The following KIF16B variants were observed in gnomAD, a reference collection of about 807,000 sequenced individuals.
KIF16B encodes the protein kinesin family member 16B, also known as kinesin-like protein KIF16B.
In KIF16B, 98 loss-of-function variants were observed where a neutral mutation model predicts 156.3. The observed-to-expected ratio is 0.63, with a 90% confidence interval of 0.53 to 0.74. KIF16B has a LOEUF of 0.74. Among genes scored for constraint, KIF16B ranks in the 30% least tolerant of loss-of-function variants. The pLI is 0.00. For missense variants in KIF16B, 1,421 were observed against 1,606.5 expected (o/e 0.88, Z 1.97); for synonymous variants, 564 against 583.7 (o/e 0.97, Z 0.49).
intron 24 of KIF16B, 71 bp from the exon 25 acceptor site, chr20:16,312,489 T>C (rs537456938): frequency 1.6e-4 from 190 of 1,155,002 alleles, no homozygotes; most frequent in Middle Eastern, 1.6e-3. Flanking sequence ...ATTAATCTAT[T>C]ATTTGAAATC....
chr20:16,539,563 T>C (rs1175194890), intron 1 of KIF16B, among the ~76,000 whole-genome samples: 3 of 152,016 alleles, frequency 2.0e-5, no homozygotes, highest in Non-Finnish European at 4.4e-5. Context: ...CCCCCGACCC[T>C]TGCTCTCATT....
At chr20:16,327,602 T>G (rs1462146969) in intron 24 of KIF16B, among the ~76,000 whole-genome samples, 1 of 152,078 alleles carries the variant, frequency 6.6e-6, no homozygotes, top group Admixed American at 6.6e-5. Context: ...AATTCCTAGT[T>G]TGGGGCCTGA....
chr20:16,353,101 T>C (rs535638111), intron 23 of KIF16B, among the ~76,000 whole-genome samples: 3 of 152,334 alleles, frequency 2.0e-5, no homozygotes, highest in African/African-American at 7.2e-5. Flanking sequence ...TACATTGATG[T>C]TAAATCTCCC....
chr20:16,405,177 C>A (rs1353406008), intron 16 of KIF16B, among the ~76,000 whole-genome samples: 2 of 152,126 alleles, frequency 1.3e-5, no homozygotes, highest in Non-Finnish European at 2.9e-5. Flanking sequence ...GTCTCCCCTG[C>A]CGGTTAAAGT....
At chr20:16,384,724 T>C (rs922366963) in intron 17 of KIF16B, among the ~76,000 whole-genome samples, 2 of 152,058 alleles carry the variant, frequency 1.3e-5, no homozygotes, top group African/African-American at 4.8e-5. Context: ...TGACAACTGT[T>C]TGCCTTGATC....
intron 3 of KIF16B, among the ~76,000 whole-genome samples, chr20:16,520,162 A>T (rs1332772288): frequency 6.6e-6 from 1 of 151,222 alleles, no homozygotes; most frequent in Non-Finnish European, 1.5e-5. Context: ...TGGCACCTGG[A>T]ACACCAATGA....
chr20:16,499,764 G>C (rs1263304338), intron 10 of KIF16B, among the ~76,000 whole-genome samples: 1 of 152,108 alleles, frequency 6.6e-6, no homozygotes, highest in Non-Finnish European at 1.5e-5. Context: ...GAAGCACAAA[G>C]ACTCATGACC....
intron 23 of KIF16B, among the ~76,000 whole-genome samples, chr20:16,346,607 A>G (rs1472233536): frequency 1.3e-5 from 2 of 152,216 alleles, no homozygotes; most frequent in African/African-American, 4.8e-5. Flanking sequence ...ATAACCAGAA[A>G]TAATGACTTC....
intron 17 of KIF16B, among the ~76,000 whole-genome samples, chr20:16,387,862 T>C (rs2065265830): frequency 6.6e-6 from 1 of 150,762 alleles, no homozygotes; most frequent in African/African-American, 2.4e-5. Context: ...CTTTAGAGTG[T>C]CTGATTGGGA....
chr20:16,493,587 T>G (rs1307782233), intron 12 of KIF16B, among the ~76,000 whole-genome samples: 1 of 152,218 alleles, frequency 6.6e-6, no homozygotes, highest in Non-Finnish European at 1.5e-5. Flanking sequence ...TTTTCTCTTG[T>G]GCACAAAGTC....
At chr20:16,310,127 A>G (rs2063597457) in intron 25 of KIF16B, among the ~76,000 whole-genome samples, 1 of 152,272 alleles carries the variant, frequency 6.6e-6, no homozygotes, top group Admixed American at 6.5e-5. Context: ...AACAGTCAAC[A>G]TTAGGTGAAA....
rs549886007 is a variant in KIF16B, at chr20:16,543,657, A to T, written c.48-15217T>A. Among the ~76,000 whole-genome samples, 354 of 152,296 alleles carry T rather than the reference A, an allele frequency of 2.3e-3. 1 individual carries two copies. Among genetic ancestry groups the T allele is most frequent in the African/African-American group, 7.7e-3 (322 of 41,570 alleles). ...TAAATTTTGCTCAAGACCAAAGATA[A>T]TAATGACACTTTCATGGGGAATTTT... is the stretch of plus-strand genomic sequence containing the variant. On this transcript the variant is annotated intron_variant, in intron 1 of 25. Coordinates refer to ENST00000354981, the MANE Select transcript of KIF16B (RefSeq NM_024704.5).
chr20:16,510,531 TC>T (rs2068925404), intron 6 of KIF16B, among the ~76,000 whole-genome samples: 1 of 152,084 alleles, frequency 6.6e-6, no homozygotes, highest in East Asian at 1.9e-4. Flanking sequence ...GCGCCTGTAA[TC>T]CCTGCTACTG....
chr20:16,370,806 A>T (rs1004462867), intron 21 of KIF16B, among the ~76,000 whole-genome samples, 170 bp from the exon 22 acceptor site: 1 of 152,200 alleles, frequency 6.6e-6, no homozygotes, highest in South Asian at 2.1e-4. Flanking sequence ...ACATGACTCT[A>T]TTGATCCATC....
At chr20:16,458,555 T>C (rs1231870017) in intron 12 of KIF16B, among the ~76,000 whole-genome samples, 2 of 152,200 alleles carry the variant, frequency 1.3e-5, no homozygotes, top group Non-Finnish European at 2.9e-5. Flanking sequence ...TCTGTCTTTA[T>C]GAATAAATGT....
chr20:16,351,090 T>C (rs551361662), intron 23 of KIF16B, among the ~76,000 whole-genome samples: 1 of 152,252 alleles, frequency 6.6e-6, no homozygotes, highest in East Asian at 1.9e-4. Context: ...CTACTGCAGA[T>C]GACCACTCAG....
At chr20:16,480,061 G>A (rs538152419) in intron 12 of KIF16B, among the ~76,000 whole-genome samples, 1 of 152,240 alleles carries the variant, frequency 6.6e-6, no homozygotes, top group South Asian at 2.1e-4. Flanking sequence ...TCTTCACCTG[G>A]TTGCTGGAGG....
At chr20:16,561,635 T>C (rs529840952) in intron 1 of KIF16B, among the ~76,000 whole-genome samples, 20 of 152,070 alleles carry the variant, frequency 1.3e-4, no homozygotes, top group Non-Finnish European at 2.8e-4. Flanking sequence ...AACATTACAG[T>C]GGAGAAACCC....
At chr20:16,419,952 T>C (rs1402913869) in intron 15 of KIF16B, among the ~76,000 whole-genome samples, 1 of 152,186 alleles carries the variant, frequency 6.6e-6, no homozygotes, top group Non-Finnish European at 1.5e-5. Context: ...AATTCACATT[T>C]TCTTCTTGGT....
Sources: gnomAD v4.1 joint callset for allele counts (sites outside exome capture counted in the v4.1 genomes callset) on GRCh38, gnomAD v4.1.1 for gene constraint, MANE v1.5 for transcripts, NCBI Gene and HGNC (gene_info 2026-07-23, HGNC 2026-07-21) for gene names.